The following CRPPA variants were observed in gnomAD, a reference collection of about 807,000 sequenced individuals.
CRPPA encodes the protein D-ribitol-5-phosphate cytidylyltransferase.
In CRPPA, 43 loss-of-function variants were observed where a neutral mutation model predicts 52.0. That is an observed-to-expected ratio of 0.83 (90% confidence interval 0.65 to 1.07). CRPPA has a LOEUF of 1.07. Among genes scored for constraint, CRPPA ranks in the 50% least tolerant of loss-of-function variants. The pLI, the probability that CRPPA is intolerant of heterozygous loss-of-function variation, is 0.00. For missense variants in CRPPA, 629 were observed against 551.7 expected (o/e 1.14, Z -1.40); for synonymous variants, 250 against 203.5 (o/e 1.23, Z -1.94).
chr7:16,202,351 C>A (rs1290010131), intron 9 of CRPPA, among the ~76,000 whole-genome samples: 3 of 151,938 alleles, frequency 2.0e-5, no homozygotes, highest in African/African-American at 7.3e-5. Context: ...AAACAGAAAC[C>A]AATAGAGTAG....
In CRPPA at chr7:16,286,091, A is replaced by T. The variant is rs1784439147; in HGVS notation, c.836-7865T>A. Among the ~76,000 whole-genome samples, 45 of 30,006 alleles carry T rather than the reference A, an allele frequency of 1.5e-3. 1 individual carries two copies. Among genetic ancestry groups the T allele is most frequent in the African/African-American group, 4.0e-3 (13 of 3,236 alleles). 19.7% of individuals were successfully genotyped at this position (30,006 alleles called of 152,430 possible). ...TATATATATATATATAATATTTAAA[A>T]AAAAAAATATATATATATATATATA... On this transcript the variant is annotated intron_variant, in intron 5 of 9. Coordinates refer to ENST00000407010, the MANE Select transcript of CRPPA (RefSeq NM_001101426.4).
chr7:16,274,692 A>T (rs1043548200), intron 6 of CRPPA, among the ~76,000 whole-genome samples: 11 of 152,222 alleles, frequency 7.2e-5, no homozygotes, highest in Non-Finnish European at 1.6e-4. Context: ...CCTAACTTCA[A>T]GCCAAACCTA....
chr7:16,216,572 C>T, intron 8 of CRPPA: 1 of 216,274 alleles, frequency 4.6e-6, no homozygotes, highest in South Asian at 6.4e-5. Context: ...GGGCGCAGGT[C>T]AGTGGGTGCG....
chr7:16,370,432 A>G (rs981050641), intron 3 of CRPPA, among the ~76,000 whole-genome samples: 1 of 152,098 alleles, frequency 6.6e-6, no homozygotes, highest in Admixed American at 6.5e-5. Flanking sequence ...GGAGACTTGA[A>G]TACATCATTG....
At chr7:16,401,078 A>G (rs983901483) in intron 2 of CRPPA, among the ~76,000 whole-genome samples, 3 of 152,124 alleles carry the variant, frequency 2.0e-5, no homozygotes, top group African/African-American at 7.2e-5. Context: ...CTTGAACTCA[A>G]TCTTCAGCCC....
At chr7:16,206,480 G>C (rs778552776) in intron 9 of CRPPA, among the ~76,000 whole-genome samples, 8 of 151,948 alleles carry the variant, frequency 5.3e-5, no homozygotes, top group Non-Finnish European at 8.8e-5. Flanking sequence ...CCCCTCTTTT[G>C]AAAGATTTGT....
intron 9 of CRPPA, among the ~76,000 whole-genome samples, chr7:16,215,627 C>T (rs1400555891): frequency 6.6e-6 from 1 of 152,142 alleles, no homozygotes; most frequent in Admixed American, 6.5e-5. Flanking sequence ...TTTAACATAA[C>T]ATAAAAGTAA....
intron 9 of CRPPA, among the ~76,000 whole-genome samples, chr7:16,170,857 G>A (rs903241668): frequency 3.3e-5 from 5 of 152,314 alleles, no homozygotes; most frequent in South Asian, 2.1e-4. Flanking sequence ...GCCGGCAGCC[G>A]CTCCGAGTGT....
chr7:16,334,302 A>G (rs1785627070), intron 3 of CRPPA, among the ~76,000 whole-genome samples: 1 of 152,152 alleles, frequency 6.6e-6, no homozygotes. Context: ...TAATCCTAGT[A>G]ATAGAGAAGT....
At chr7:16,118,941 G>C (rs865879113) in intron 9 of CRPPA, among the ~76,000 whole-genome samples, 4 of 152,088 alleles carry the variant, frequency 2.6e-5, no homozygotes, top group African/African-American at 9.7e-5. Flanking sequence ...AGAAAGGAGG[G>C]AACCTGTGAA....
chr7:16,421,203 G>T lies in CRPPA; in HGVS notation c.120C>A (p.Pro40=), dbSNP rs998368906. The T allele has an allele frequency of 7.4e-7, 1 of 1,342,934 alleles. No homozygotes were observed. Among genetic ancestry groups the T allele is most frequent in the Non-Finnish European group, 9.6e-7 (1 of 1,041,244 alleles). The allele number at this position is 1,342,934 out of a possible 1,614,324, so 83.2% of individuals were successfully genotyped here. ...ASLQSVAGTE[P]GRHPQAVAAV... The stretch of plus-strand genomic sequence containing the variant: ...CTGCCACGGCTTGCGGGTGGCGCCC[G>T]GGCTCGGTCCCGGCCACGCTCTGCA... Residue 40 remains proline (P), a synonymous_variant, in exon 1 of 10, where the codon CCC becomes CCA. Coordinates refer to ENST00000407010, the MANE Select transcript of CRPPA (RefSeq NM_001101426.4).
chr7:16,407,844 T>C (rs1195294590), intron 1 of CRPPA, among the ~76,000 whole-genome samples: 1 of 152,094 alleles, frequency 6.6e-6, no homozygotes, highest in Non-Finnish European at 1.5e-5. Context: ...TGGTGGCTCA[T>C]GCCTGTAATC....
chr7:16,119,503 A>G (rs1400287839), intron 9 of CRPPA, among the ~76,000 whole-genome samples: 2 of 152,266 alleles, frequency 1.3e-5, no homozygotes, highest in Non-Finnish European at 2.9e-5. Flanking sequence ...TCCAATTTCA[A>G]TAAATGTAAA....
chr7:16,229,963 T>C (rs543328350), intron 8 of CRPPA, among the ~76,000 whole-genome samples: 3 of 152,272 alleles, frequency 2.0e-5, no homozygotes, highest in South Asian at 4.1e-4. Flanking sequence ...ATATATCCTT[T>C]TGTTTTTTCC....
intron 9 of CRPPA, among the ~76,000 whole-genome samples, chr7:16,200,153 C>T (rs752111227): frequency 5.3e-5 from 8 of 152,148 alleles, no homozygotes; most frequent in Non-Finnish European, 7.3e-5. Flanking sequence ...CCACTCTGCC[C>T]GGCCAGATCT....
intron 9 of CRPPA, among the ~76,000 whole-genome samples, chr7:16,103,850 T>G (rs555644754): frequency 6.6e-6 from 1 of 152,304 alleles, no homozygotes; most frequent in East Asian, 1.9e-4. Context: ...CAGGTGTCAG[T>G]AGAATAATAT....
At chr7:16,398,397 C>T (rs1285488451) in intron 2 of CRPPA, among the ~76,000 whole-genome samples, 5 of 152,164 alleles carry the variant, frequency 3.3e-5, no homozygotes, top group South Asian at 2.1e-4. Context: ...GTGACTGACA[C>T]GTGACCAACA....
At chr7:16,245,256 C>T (rs934711548) in intron 8 of CRPPA, among the ~76,000 whole-genome samples, 1 of 152,224 alleles carries the variant, frequency 6.6e-6, no homozygotes, top group Admixed American at 6.5e-5. Context: ...TTCCCTCTTA[C>T]TAATGAGCAA....
intron 2 of CRPPA, among the ~76,000 whole-genome samples, chr7:16,404,853 G>C (rs1331559307): frequency 1.3e-5 from 2 of 152,132 alleles, no homozygotes; most frequent in African/African-American, 4.8e-5. Context: ...CAAGATCCAG[G>C]GGAAAGTTTT....
Sources: gnomAD v4.1 joint callset for allele counts (sites outside exome capture counted in the v4.1 genomes callset) on GRCh38, gnomAD v4.1.1 for gene constraint, MANE v1.5 for transcripts, NCBI Gene and HGNC (gene_info 2026-07-23, HGNC 2026-07-21) for gene names.